MFSD6: variants seen among roughly 807,000 people sequenced by gnomAD.
MFSD6 encodes major facilitator superfamily domain-containing protein 6.
In MFSD6, 26 loss-of-function variants were observed where a neutral mutation model predicts 56.3. The ratio of observed to expected loss-of-function variants is 0.46; its 90% CI spans 0.34 to 0.64. MFSD6 has a LOEUF of 0.64. MFSD6 is among the 30% of genes least tolerant of loss of function. MFSD6 has a pLI of 0.01. For synonymous variants in MFSD6, 331 were observed against 366.9 expected (o/e 0.90, Z 1.12); for missense variants, 750 against 986.2 (o/e 0.76, Z 3.21).
intron 4 of MFSD6, among the ~76,000 whole-genome samples, chr2:190,480,485 G>C (rs1688599009): frequency 6.6e-6 from 1 of 152,180 alleles, no homozygotes; most frequent in African/African-American, 2.4e-5. Context: ...ATTTAAAGCT[G>C]AACCTTCATT....
rs764643376 is a variant in MFSD6 at position 190,496,344 on chromosome 2, G to T, written c.1892-1095G>T. Among the ~76,000 whole-genome samples the T allele has an allele frequency of 6.6e-6, 1 of 152,156 alleles. No individual in the cohort carries two copies. Among genetic ancestry groups the T allele is most frequent in the Non-Finnish European group, 1.5e-5 (1 of 68,010 alleles). On this transcript the variant is annotated intron_variant, in intron 6 of 7. Transcript: ENST00000392328. This position sits in a 1 kb window ranked among gnomAD's most constrained non-coding sequence, Gnocchi z 4.7. ...TAATCAAAAAATAATTGATGTTGGT[G>T]TGGATGTAGTGAAAAGGAAACACTT...
chr2:190,452,317 A>G (rs776763515), intron 3 of MFSD6, among the ~76,000 whole-genome samples: 1 of 152,170 alleles, frequency 6.6e-6, no homozygotes, highest in Non-Finnish European at 1.5e-5. Flanking sequence ...AACAAAAATT[A>G]TAATTATGGG....
At chr2:190,430,389 T>G (rs543365268) in intron 2 of MFSD6, among the ~76,000 whole-genome samples, 2 of 151,100 alleles carry the variant, frequency 1.3e-5, no homozygotes, top group East Asian at 3.9e-4. Context: ...TACTTGAGAT[T>G]AGGGAGTGGT....
chr2:190,435,824 C>G (rs951167473), intron 2 of MFSD6, 153 bp from the exon 3 acceptor site: 7 of 628,560 alleles, frequency 1.1e-5, no homozygotes, highest in South Asian at 3.3e-5. Flanking sequence ...TTTTCCTTAC[C>G]GGTATTGTGT....
intron 6 of MFSD6, among the ~76,000 whole-genome samples, chr2:190,493,096 A>T (rs1398748733): frequency 6.6e-6 from 1 of 152,170 alleles, no homozygotes; most frequent in Non-Finnish European, 1.5e-5. Context: ...TGCAGAATGG[A>T]TAAGAATTCA....
Position 190,500,472 on chromosome 2 carries a change from C to T in MFSD6, c.*254C>T, listed in dbSNP as rs1196733121. On this transcript the variant is annotated 3_prime_UTR_variant, in exon 8 of 8. Transcript: ENST00000392328. This position sits in a 1 kb window ranked among gnomAD's most constrained non-coding sequence, Gnocchi z 5.3. ...TTCAATGAGGACTTTCAGTTCTTTG[C>T]TTGGTTAGGTTAAGGATGATAGAAT... is the stretch of plus-strand genomic sequence containing the variant. 1 of 498,928 alleles carries T rather than the reference C, an allele frequency of 2.0e-6. No homozygotes were observed. The highest frequency in any genetic ancestry group is 1.9e-5 in the African/African-American group (1 of 52,302). The allele number at this position is 498,928 out of a possible 1,614,324, so 30.9% of individuals were successfully genotyped here.
intron 4 of MFSD6, among the ~76,000 whole-genome samples, chr2:190,486,713 A>G (rs555216887): frequency 6.6e-6 from 1 of 152,304 alleles, no homozygotes; most frequent in South Asian, 2.1e-4. Context: ...TCAAATTTTA[A>G]AAGAATTTTG....
rs1461824178 is a variant in MFSD6, at chr2:190,434,345, G to A, written c.-53-1632G>A. Among the ~76,000 whole-genome samples, 1 of 152,070 alleles carries A rather than the reference G, an allele frequency of 6.6e-6. No individual in the cohort carries two copies. Among genetic ancestry groups the A allele is most frequent in the East Asian group, 1.9e-4 (1 of 5,202 alleles). On this transcript the variant is annotated intron_variant, in intron 2 of 7. Coordinates refer to ENST00000392328, the MANE Select transcript of MFSD6 (RefSeq NM_017694.4). This position sits in a 1 kb window ranked among gnomAD's most constrained non-coding sequence, Gnocchi z 4.3. The stretch of plus-strand genomic sequence containing the variant: ...CATTCAATCTTTAATAGAAGAAAGG[G>A]AAATTCTGATGGGATGCTGGCACAG...
Position 190,456,924 on chromosome 2 carries a change from C to T in MFSD6, c.1533-12834C>T, listed in dbSNP as rs1439276631. On this transcript the variant is annotated intron_variant, in intron 3 of 7. Coordinates refer to ENST00000392328, the MANE Select transcript of MFSD6 (RefSeq NM_017694.4). This position sits in a 1 kb window ranked among gnomAD's most constrained non-coding sequence, Gnocchi z 5.4. ...CTGTTGAGTGGCATTTGCTTTTCTA[C>T]TTTCCTCTTACCCCAGTCTTCCCAA... is the stretch of plus-strand genomic sequence containing the variant. Among the ~76,000 whole-genome samples, 1 of 152,164 alleles carries T rather than the reference C, an allele frequency of 6.6e-6. No individual in the cohort carries two copies. The highest frequency in any genetic ancestry group is 1.5e-5 in the Non-Finnish European group (1 of 68,034).
chr2:190,482,913 C>G (rs1021939270), intron 4 of MFSD6, among the ~76,000 whole-genome samples: 5 of 62,502 alleles, frequency 8.0e-5, no homozygotes, highest in Non-Finnish European at 1.3e-4. Flanking sequence ...TAGACGGAGT[C>G]TCACTCTGTC....
At chr2:190,440,503 G>A (rs936312547) in intron 3 of MFSD6, among the ~76,000 whole-genome samples, 3 of 152,150 alleles carry the variant, frequency 2.0e-5, no homozygotes, top group African/African-American at 7.2e-5. Context: ...ATGATTAACA[G>A]GATATAAATG....
At chr2:190,479,859 GT>G (rs973599193) in intron 4 of MFSD6, among the ~76,000 whole-genome samples, 2 of 151,972 alleles carry the variant, frequency 1.3e-5, no homozygotes, top group Non-Finnish European at 2.9e-5. Flanking sequence ...GATGAAAGAT[GT>G]TTTTTTTAAT....
At chr2:190,493,618 AG>A (rs1346805237) in intron 6 of MFSD6, among the ~76,000 whole-genome samples, 1 of 152,214 alleles carries the variant, frequency 6.6e-6, no homozygotes, top group Non-Finnish European at 1.5e-5. Context: ...ACTATATGAT[AG>A]GCCATAAAAC....
At chr2:190,408,615 T>G (rs1392319650) in intron 1 of MFSD6, 112 bp downstream of exon 1, 2 of 152,094 alleles carry the variant, frequency 1.3e-5, no homozygotes, top group Admixed American at 6.6e-5. Flanking sequence ...GCACACCTGC[T>G]GCCGGGAAAG....
rs6744546 is a variant in MFSD6, at chr2:190,416,442, A to C, written c.-54+1029A>C. On this transcript the variant is annotated intron_variant, in intron 2 of 7. Coordinates refer to ENST00000392328, the MANE Select transcript of MFSD6 (RefSeq NM_017694.4). This position sits in a 1 kb window ranked among gnomAD's most constrained non-coding sequence, Gnocchi z 4.1. ...AATATTTTATTTTAAGTGAATAGTT[A>C]TTTCTTTCCTGGAGATAATGAATTA... Among the ~76,000 whole-genome samples the C allele has an allele frequency of 0.12, 17,503 of 152,186 alleles. 1,470 individuals carry two copies. Among genetic ancestry groups the C allele is most frequent in the African/African-American group, 0.23 (9,395 of 41,490 alleles).
chr2:190,457,424 G>A lies in MFSD6; in HGVS notation c.1533-12334G>A, dbSNP rs1026494718. Among the ~76,000 whole-genome samples, 1 of 152,150 alleles carries A rather than the reference G, an allele frequency of 6.6e-6. No individual in the cohort carries two copies. The highest frequency in any genetic ancestry group is 1.5e-5 in the Non-Finnish European group (1 of 68,014). On this transcript the variant is annotated intron_variant, in intron 3 of 7. Coordinates refer to ENST00000392328, the MANE Select transcript of MFSD6 (RefSeq NM_017694.4). The surrounding 1 kb of genome is among the most constrained non-coding windows in gnomAD (Gnocchi z 5.1). ...CTTCCTGTTGGCCCCCTACCCCCAG[G>A]ACTCAGACTTTGCGTGTTTTTTGCT...
Position 190,497,343 on chromosome 2 carries a change from GGT to G in MFSD6, c.1892-95_1892-94del. The G allele has an allele frequency of 7.4e-7, 1 of 1,358,152 alleles. No homozygotes were observed. Among genetic ancestry groups the G allele is most frequent in the Non-Finnish European group, 1.0e-6 (1 of 994,616 alleles). The allele number at this position is 1,358,152 out of a possible 1,614,324, so 84.1% of individuals were successfully genotyped here. A position where few individuals can be genotyped will look rare whatever the true frequency, so the allele number is the denominator to read the frequency against. On this transcript the variant is annotated intron_variant, in intron 6 of 7. Transcript: ENST00000392328. The surrounding 1 kb of genome is among the most constrained non-coding windows in gnomAD (Gnocchi z 5.2). ...TAATATTATCAAGCACTCTGGAATG[GGT>G]ATATGGGATTCTTGGTTTATTTATT...
In MFSD6 at chr2:190,436,747, T is replaced by C. The variant is rs1380024545; in HGVS notation, c.718T>C (p.Leu240=). 4.3e-6 allele frequency: 7 copies of C among 1,614,070 alleles called. No individual in the cohort carries two copies. Among genetic ancestry groups the C allele is most frequent in the African/African-American group, 1.3e-5 (1 of 74,928 alleles). ...TGAAATTACTAACCGTATGATGGACTTGACTTTGAACTCAAGCACAGCAAC... is the reference window on the plus strand; with the variant it reads ...TGAAATTACTAACCGTATGATGGACCTGACTTTGAACTCAAGCACAGCAAC... ...TGEITNRMMD[L]TLNSSTATPV... The change falls in exon 3 of 8, where the codon TTG becomes CTG. Residue 240 remains leucine, a synonymous_variant. Coordinates refer to ENST00000392328, the MANE Select transcript of MFSD6 (RefSeq NM_017694.4). This position sits in a 1 kb window ranked among gnomAD's most constrained non-coding sequence, Gnocchi z 5.3.
rs554843546 is a variant in MFSD6 at position 190,437,846 on chromosome 2, CA to C, written c.1532+286del. 1.6e-3 allele frequency among the ~76,000 whole-genome samples: 249 copies of C among 152,292 alleles called. 1 individual carries two copies. Among genetic ancestry groups the C allele is most frequent in the African/African-American group, 5.8e-3 (239 of 41,560 alleles). ...CTAGCTGTGTGCTAAGAGACTCTCA[CA>C]GTACATGTTTTCAGGTATAGGAACA... is the stretch of plus-strand genomic sequence containing the variant. On this transcript the variant is annotated intron_variant, in intron 3 of 7. Coordinates refer to ENST00000392328, the MANE Select transcript of MFSD6 (RefSeq NM_017694.4). This position sits in a 1 kb window ranked among gnomAD's most constrained non-coding sequence, Gnocchi z 5.9.
Sources: gnomAD v4.1 joint callset for allele counts (sites outside exome capture counted in the v4.1 genomes callset) on GRCh38, gnomAD v4.1.1 for gene constraint, Gnocchi (gnomAD v3.1) non-coding constraint, MANE v1.5 for transcripts, NCBI Gene and HGNC (gene_info 2026-07-23, HGNC 2026-07-21) for gene names.